NEGR1: variants seen among roughly 807,000 people sequenced by gnomAD.
The protein encoded by NEGR1 is neuronal growth regulator 1.
In NEGR1, 10 loss-of-function variants were observed where a neutral mutation model predicts 40.9. The ratio of observed to expected loss-of-function variants is 0.24; its 90% confidence interval spans 0.15 to 0.42. The LOEUF (loss-of-function observed/expected upper bound fraction) is 0.42, where lower values mean the gene tolerates loss of function less well. Among genes scored for constraint, NEGR1 ranks in the 10% least tolerant of loss-of-function variants. The probability of loss-of-function intolerance (pLI) is 1.00; values close to 1 mark genes in which losing one functional copy is unlikely to be tolerated. For missense variants in NEGR1, 352 were observed against 438.9 expected (o/e 0.80, Z 1.77); for synonymous variants, 185 against 166.8 (o/e 1.11, Z -0.84).
At chr1:71,951,747 T>C (rs1646072431) in intron 1 of NEGR1, among the ~76,000 whole-genome samples, 1 of 151,944 alleles carries the variant, frequency 6.6e-6, no homozygotes, top group Non-Finnish European at 1.5e-5. Context: ...GGTTAAGCTT[T>C]GTGCCAATCC....
At chr1:71,744,928 G>A (rs2101680482) in intron 3 of NEGR1, among the ~76,000 whole-genome samples, 1 of 152,248 alleles carries the variant, frequency 6.6e-6, no homozygotes, top group African/African-American at 2.4e-5. Context: ...TTATGTGGCA[G>A]AAGAAAACTA....
intron 3 of NEGR1, among the ~76,000 whole-genome samples, chr1:71,755,481 A>C (rs2422031): frequency 0.49 from 74,902 of 151,902 alleles, 18,751 homozygotes; most frequent in East Asian, 0.78. Context: ...AATATACTAA[A>C]CTCTCACCAT....
intron 4 of NEGR1, among the ~76,000 whole-genome samples, chr1:71,627,292 T>C (rs1329816334): frequency 6.6e-6 from 1 of 152,192 alleles, no homozygotes; most frequent in Non-Finnish European, 1.5e-5. Flanking sequence ...GTGGCACATA[T>C]ACACTAAATG....
At chr1:71,523,829 C>A (rs749107644) in intron 6 of NEGR1, among the ~76,000 whole-genome samples, 1 of 151,856 alleles carries the variant, frequency 6.6e-6, no homozygotes, top group Admixed American at 6.6e-5. Context: ...CTGCTAATAA[C>A]AACTGGATGA....
intron 6 of NEGR1, among the ~76,000 whole-genome samples, chr1:71,572,262 C>T (rs1400210647): frequency 6.6e-6 from 1 of 152,130 alleles, no homozygotes; most frequent in African/African-American, 2.4e-5. Flanking sequence ...CAAGTCTAAA[C>T]AAAGGCAGAA....
chr1:72,014,294 A>G (rs1646688769), intron 1 of NEGR1, among the ~76,000 whole-genome samples: 1 of 152,004 alleles, frequency 6.6e-6, no homozygotes, highest in Admixed American at 6.6e-5. Flanking sequence ...TTCTCATTTG[A>G]GAAATTCTCA....
chr1:71,456,772 C>G (rs1231276965), intron 6 of NEGR1, among the ~76,000 whole-genome samples: 1 of 152,180 alleles, frequency 6.6e-6, no homozygotes, highest in Non-Finnish European at 1.5e-5. Flanking sequence ...ACAATTTTGC[C>G]ATGTATCGCT....
At chr1:71,743,792 T>G (rs541470080) in intron 3 of NEGR1, among the ~76,000 whole-genome samples, 257 of 152,232 alleles carry the variant, frequency 1.7e-3, no homozygotes, top group Non-Finnish European at 1.6e-3. Flanking sequence ...CTTGAGTTTT[T>G]CATTTACCTA....
intron 2 of NEGR1, among the ~76,000 whole-genome samples, chr1:71,830,198 GT>G (rs1311826400): frequency 4.0e-5 from 6 of 151,874 alleles, no homozygotes; most frequent in Non-Finnish European, 8.8e-5. Context: ...TTACTGCAGT[GT>G]TACTTTTATA....
At chr1:72,275,542 A>G (rs890344500) in intron 1 of NEGR1, among the ~76,000 whole-genome samples, 4 of 152,254 alleles carry the variant, frequency 2.6e-5, no homozygotes, top group Non-Finnish European at 5.9e-5. Flanking sequence ...TCTTTAATCT[A>G]TCAGCAAGCT....
chr1:71,693,168 A>G (rs2101624135), intron 4 of NEGR1, among the ~76,000 whole-genome samples: 1 of 151,884 alleles, frequency 6.6e-6, no homozygotes, highest in East Asian at 1.9e-4. Flanking sequence ...CTCTGAGTAA[A>G]AACAGTATGC....
At chr1:71,942,480 TATA>T (rs1362162007) in intron 1 of NEGR1, among the ~76,000 whole-genome samples, 42 of 19,636 alleles carry the variant, frequency 2.1e-3, no homozygotes, top group African/African-American at 8.2e-3. Context: ...TATATATATA[TATA>T]TTTTTTTTTT....
chr1:72,268,989 C>T (rs1024862394), intron 1 of NEGR1, among the ~76,000 whole-genome samples: 1 of 151,534 alleles, frequency 6.6e-6, no homozygotes, highest in Non-Finnish European at 1.5e-5. Flanking sequence ...ATTTACACTT[C>T]TCTTGGGTAC....
chr1:72,040,316 A>G (rs987644042), intron 1 of NEGR1, among the ~76,000 whole-genome samples: 14 of 151,904 alleles, frequency 9.2e-5, no homozygotes, highest in Non-Finnish European at 1.8e-4. Flanking sequence ...TGAATCTGCA[A>G]TAGAAATAGA....
At chr1:71,470,757 A>G (rs1646777223) in intron 6 of NEGR1, among the ~76,000 whole-genome samples, 1 of 152,150 alleles carries the variant, frequency 6.6e-6, no homozygotes, top group South Asian at 2.1e-4. Context: ...CAAATGTCAT[A>G]CAAGTTGCGA....
chr1:72,203,014 T>G (rs1366031555), intron 1 of NEGR1, among the ~76,000 whole-genome samples: 1 of 152,034 alleles, frequency 6.6e-6, no homozygotes, highest in African/African-American at 2.4e-5. Context: ...ACAATACACT[T>G]AGTCACCCCA....
chr1:72,143,338 C>T (rs1411924213), intron 1 of NEGR1, among the ~76,000 whole-genome samples: 1 of 151,956 alleles, frequency 6.6e-6, no homozygotes, highest in African/African-American at 2.4e-5. Flanking sequence ...TTGGCCTGAG[C>T]CAGTCATGCC....
intron 1 of NEGR1, among the ~76,000 whole-genome samples, chr1:72,097,724 T>C (rs1160064833): frequency 6.6e-6 from 1 of 152,222 alleles, no homozygotes; most frequent in Non-Finnish European, 1.5e-5. Context: ...ATACAATTTC[T>C]CTAAGAACTG....
intron 4 of NEGR1, among the ~76,000 whole-genome samples, chr1:71,697,108 A>T (rs1653501496): frequency 1.3e-5 from 2 of 151,848 alleles, no homozygotes; most frequent in South Asian, 2.1e-4. Flanking sequence ...ATTAGCTTTA[A>T]CATTTCTGGA....
Sources: gnomAD v4.1 joint callset for allele counts (sites outside exome capture counted in the v4.1 genomes callset) on GRCh38, gnomAD v4.1.1 for gene constraint, MANE v1.5 for transcripts, NCBI Gene and HGNC (gene_info 2026-07-23, HGNC 2026-07-21) for gene names.